The following NPBWR2 variants were observed in gnomAD, a reference collection of about 807,000 sequenced individuals.
NPBWR2 encodes neuropeptides B and W receptor 2.
For missense variants in NPBWR2, 390 were observed against 458.2 expected (o/e 0.85, Z 1.36); for synonymous variants, 207 against 223.5 (o/e 0.93, Z 0.66).
rs1979984249 is a variant in NPBWR2, at chr20:64,105,718, TGGGGGTGGG to T, written c.*103_*111del. 8 of 318,832 alleles carry T rather than the reference TGGGGGTGGG, an allele frequency of 2.5e-5. No individual in the cohort carries two copies. Among genetic ancestry groups the T allele is most frequent in the Middle Eastern group, 8.0e-4 (1 of 1,246 alleles). 19.8% of individuals were successfully genotyped at this position (318,832 alleles called of 1,614,324 possible). A position where few individuals can be genotyped will look rare whatever the true frequency, so the allele number is the denominator to read the frequency against. On this transcript the variant is annotated 3_prime_UTR_variant, in exon 2 of 2. Transcript: ENST00000684052. ...GTGGGGGTGATGGTGGGGGTGGTGG[TGGGGGTGGG>T]GGGGGGTGGGCCTGATGGGGGTGTG...
chr20:64,105,816 G>T lies in NPBWR2; in HGVS notation c.*14C>A. ...TGATGGGCATGATGATGGGGGTGAT[G>T]GTGCCCAGGCCCTTCAGCACCGCAA... is the stretch of plus-strand genomic sequence containing the variant. On this transcript the variant is annotated 3_prime_UTR_variant, in exon 2 of 2. Transcript: ENST00000684052. 4 of 1,573,140 alleles carry T rather than the reference G, an allele frequency of 2.5e-6. No individual in the cohort carries two copies. The highest frequency in any genetic ancestry group is 3.5e-5 in the Admixed American group (2 of 57,778).
Position 64,103,886 on chromosome 20 carries a change from C to T in NPBWR2, c.*1944G>A, listed in dbSNP as rs1393312357. ...GATAAGTGGATGGAGATGGCCGTGG[C>T]GTGTTTGGCTGGCTAGCACGGAGGA... On this transcript the variant is annotated 3_prime_UTR_variant, in exon 2 of 2. Transcript: ENST00000684052. 2.0e-5 allele frequency among the ~76,000 whole-genome samples: 3 copies of T among 152,218 alleles called. No individual in the cohort carries two copies. The highest frequency in any genetic ancestry group is 4.1e-4 in the South Asian group (2 of 4,824).
In NPBWR2 at chr20:64,104,806, G is replaced by A. The variant is rs947020004; in HGVS notation, c.*1024C>T. Reference sequence around the variant, plus strand: ...GGGAGCACAGGCCATGGTGAGGACTGTCGGCCACAGCAGGGGGGTACAGGG... The same window carrying A: ...GGGAGCACAGGCCATGGTGAGGACTATCGGCCACAGCAGGGGGGTACAGGG... On this transcript the variant is annotated 3_prime_UTR_variant, in exon 2 of 2. Transcript: ENST00000684052. Among the ~76,000 whole-genome samples, 1 of 138,630 alleles carries A rather than the reference G, an allele frequency of 7.2e-6. No homozygotes were observed. Among genetic ancestry groups the A allele is most frequent in the African/African-American group, 2.7e-5 (1 of 36,790 alleles). The allele number at this position is 138,630 out of a possible 152,430, so 90.9% of individuals were successfully genotyped here.
At position 64,105,746 on chromosome 20, in the gene NPBWR2, G is replaced by T. The variant is rs1979991841; in HGVS notation, c.*84C>A. ...GGGTGGGGGGGGGTGGGCCTGATGG[G>T]GGTGTGGGCATGATGATGATGGGCG... On this transcript the variant is annotated 3_prime_UTR_variant, in exon 2 of 2. Transcript: ENST00000684052. 5.7e-6 allele frequency: 6 copies of T among 1,056,226 alleles called. No homozygotes were observed. The highest frequency in any genetic ancestry group is 2.8e-5 in the Admixed American group (1 of 35,740). 65.4% of individuals were successfully genotyped at this position (1,056,226 alleles called of 1,614,324 possible).
At position 64,106,223 on chromosome 20, in the gene NPBWR2, C is replaced by T. The variant is rs750338169; in HGVS notation, c.609G>A (p.Trp203Ter). 6.2e-7 allele frequency: 1 copy of T among 1,612,748 alleles called. No homozygotes were observed. Among genetic ancestry groups the T allele is most frequent in the Non-Finnish European group, 8.5e-7 (1 of 1,179,962 alleles). Residue 203 changes from tryptophan (W) to a stop codon, truncating the protein, a stop_gained, in exon 2 of 2, where the codon TGG becomes TGA. Transcript: ENST00000684052. LOFTEE classifies it low-confidence loss of function (END_TRUNC). The surrounding 1 kb of genome is among the most constrained non-coding windows in gnomAD (Gnocchi z 9.5). ...QVPSCGLSFP[W>*]PEQVWFKASR... Reference sequence around the variant, plus strand: ...TGGCCTTGAACCAGACCTGCTCGGGCCACGGGAAGCTCAGCCCACAGCTTG... The same window carrying T: ...TGGCCTTGAACCAGACCTGCTCGGGTCACGGGAAGCTCAGCCCACAGCTTG...
Position 64,105,819 on chromosome 20 carries a change from G to GA in NPBWR2, c.*10_*11insT. On this transcript the variant is annotated 3_prime_UTR_variant, in exon 2 of 2. Transcript: ENST00000684052. Reference sequence around the variant, plus strand: ...TGGGCATGATGATGGGGGTGATGGTGCCCAGGCCCTTCAGCACCGCAATAT... The same window carrying GA: ...TGGGCATGATGATGGGGGTGATGGTGACCCAGGCCCTTCAGCACCGCAATAT... The GA allele has an allele frequency of 6.4e-7, 1 of 1,570,416 alleles. No individual in the cohort carries two copies. Among genetic ancestry groups the GA allele is most frequent in the Non-Finnish European group, 8.6e-7 (1 of 1,156,242 alleles).
chr20:64,105,777 A>G lies in NPBWR2; in HGVS notation c.*53T>C, dbSNP rs1979997395. The G allele has an allele frequency of 5.1e-6, 6 of 1,187,398 alleles. No individual in the cohort carries two copies. The highest frequency in any genetic ancestry group is 6.6e-6 in the Non-Finnish European group (6 of 907,224). 73.6% of individuals were successfully genotyped at this position (1,187,398 alleles called of 1,614,324 possible). A position where few individuals can be genotyped will look rare whatever the true frequency, so the allele number is the denominator to read the frequency against. On this transcript the variant is annotated 3_prime_UTR_variant, in exon 2 of 2. Coordinates refer to ENST00000684052, the MANE Select transcript of NPBWR2 (RefSeq NM_005286.4). ...GGGCATGATGATGATGGGCGTGATG[A>G]TGATGGGGGGTGATGATGGGCATGA...
In NPBWR2 at chr20:64,106,687, G is replaced by A. The variant is rs1245074516; in HGVS notation, c.145C>T (p.Pro49Ser). 6.2e-7 allele frequency: 1 copy of A among 1,612,758 alleles called. No individual in the cohort carries two copies. The highest frequency in any genetic ancestry group is 1.3e-5 in the African/African-American group (1 of 74,912). ...GCACAGATCCCGGAGTACACGGCGG[G>A]CAGGAGCACATAGAGGAACGGCAGT... ...EPLPFLYVLL[P>S]AVYSGICAVG... Residue 49 changes from proline to serine, a missense_variant, in exon 2 of 2, where the codon CCC becomes TCC. Transcript: ENST00000684052. This position sits in a 1 kb window ranked among gnomAD's most constrained non-coding sequence, Gnocchi z 9.5.
In NPBWR2 at chr20:64,105,003, T is replaced by C. The variant is rs1979915634; in HGVS notation, c.*827A>G. Among the ~76,000 whole-genome samples, 2 of 152,078 alleles carry C rather than the reference T, an allele frequency of 1.3e-5. No homozygotes were observed. Among genetic ancestry groups the C allele is most frequent in the African/African-American group, 4.8e-5 (2 of 41,390 alleles). On this transcript the variant is annotated 3_prime_UTR_variant, in exon 2 of 2. Coordinates refer to ENST00000684052, the MANE Select transcript of NPBWR2 (RefSeq NM_005286.4). ...CCATGGCACATGGGCACGGCGGGGCTGGGCCTCCTGCTGGAACTCCACTTG... is the reference window on the plus strand; with the variant it reads ...CCATGGCACATGGGCACGGCGGGGCCGGGCCTCCTGCTGGAACTCCACTTG...
In NPBWR2 at chr20:64,105,984, G is replaced by A; in HGVS notation, c.848C>T (p.Ala283Val). 6.2e-7 allele frequency: 1 copy of A among 1,612,538 alleles called. No homozygotes were observed. The highest frequency in any genetic ancestry group is 2.2e-5 in the East Asian group (1 of 44,876). ...WTPFHLASVV[A>V]LTTDLPQTPL... ...GGTCTGGGGCAGGTCCGTGGTCAGGGCCACGACAGAGGCCAGGTGGAAGGG... is the reference window on the plus strand; with the variant it reads ...GGTCTGGGGCAGGTCCGTGGTCAGGACCACGACAGAGGCCAGGTGGAAGGG... Residue 283 changes from alanine to valine, a missense_variant, in exon 2 of 2, where the codon GCC becomes GTC. Transcript: ENST00000684052.
Position 64,106,202 on chromosome 20 carries a change from C to T in NPBWR2, c.630G>A (p.Lys210=), listed in dbSNP as rs899917015. Residue 210 remains lysine, a synonymous_variant, in exon 2 of 2, where the codon AAG becomes AAA. Coordinates refer to ENST00000684052, the MANE Select transcript of NPBWR2 (RefSeq NM_005286.4). The surrounding 1 kb of genome is among the most constrained non-coding windows in gnomAD (Gnocchi z 9.5). ...SFPWPEQVWF[K]ASRVYTLVLG... is the part of the protein sequence containing the mutation. The stretch of plus-strand genomic sequence containing the variant: ...GGACCAACGTGTAGACACGGCTGGC[C>T]TTGAACCAGACCTGCTCGGGCCACG... 2.5e-6 allele frequency: 4 copies of T among 1,612,582 alleles called. No homozygotes were observed. Among genetic ancestry groups the T allele is most frequent in the Non-Finnish European group, 3.4e-6 (4 of 1,179,948 alleles).
rs1304154863 is a variant in NPBWR2 at position 64,105,609 on chromosome 20, G to A, written c.*221C>T. The stretch of plus-strand genomic sequence containing the variant: ...GGTGGGGGTGATGGTGGGCGTGATG[G>A]TGGGGGTGGGGGTGATGGGGGTGGG... On this transcript the variant is annotated 3_prime_UTR_variant, in exon 2 of 2. Transcript: ENST00000684052. 8.1e-4 allele frequency among the ~76,000 whole-genome samples: 2 copies of A among 2,470 alleles called. No homozygotes were observed. Among genetic ancestry groups the A allele is most frequent in the African/African-American group, 3.5e-3 (1 of 282 alleles). The allele number at this position is 2,470 out of a possible 152,430, so 1.6% of individuals were successfully genotyped here.
rs111903824 is a variant in NPBWR2, at chr20:64,105,797, G to A, written c.*33C>T. ...TGATGATGATGGGGGGTGATGATGG[G>A]CATGATGATGGGGGTGATGGTGCCC... is the stretch of plus-strand genomic sequence containing the variant. On this transcript the variant is annotated 3_prime_UTR_variant, in exon 2 of 2. Coordinates refer to ENST00000684052, the MANE Select transcript of NPBWR2 (RefSeq NM_005286.4). 175 of 1,138,608 alleles carry A rather than the reference G, an allele frequency of 1.5e-4. 3 individuals carry two copies. In the African/African-American group the frequency reaches 1.9e-3, roughly 12 times the overall value. The allele number at this position is 1,138,608 out of a possible 1,614,324, so 70.5% of individuals were successfully genotyped here.
At position 64,104,312 on chromosome 20, in the gene NPBWR2, A is replaced by T. The variant is rs1014526780; in HGVS notation, c.*1518T>A. Reference sequence around the variant, plus strand: ...GCTGGCTGATTACAAGCCCCTGGCCACACCCCGGGAGAGAGAGTTCCAGGT... The same window carrying T: ...GCTGGCTGATTACAAGCCCCTGGCCTCACCCCGGGAGAGAGAGTTCCAGGT... On this transcript the variant is annotated 3_prime_UTR_variant, in exon 2 of 2. Transcript: ENST00000684052. 1.3e-5 allele frequency among the ~76,000 whole-genome samples: 2 copies of T among 152,156 alleles called. No homozygotes were observed. Among genetic ancestry groups the T allele is most frequent in the African/African-American group, 4.8e-5 (2 of 41,422 alleles).
chr20:64,104,083 A>G lies in NPBWR2; in HGVS notation c.*1747T>C, dbSNP rs1246963221. On this transcript the variant is annotated 3_prime_UTR_variant, in exon 2 of 2. Coordinates refer to ENST00000684052, the MANE Select transcript of NPBWR2 (RefSeq NM_005286.4). ...GGGTCATGAGGACTGAAACCAACCCAGAACACTCACACCTCACTGCCAGGC... is the reference window on the plus strand; with the variant it reads ...GGGTCATGAGGACTGAAACCAACCCGGAACACTCACACCTCACTGCCAGGC... Among the ~76,000 whole-genome samples the G allele has an allele frequency of 1.3e-5, 2 of 152,222 alleles. No individual in the cohort carries two copies. The highest frequency in any genetic ancestry group is 1.9e-4 in the East Asian group (1 of 5,198).
chr20:64,107,029 A>G lies in NPBWR2; in HGVS notation c.-91-107T>C. The G allele has an allele frequency of 1.5e-6, 1 of 671,814 alleles. No individual in the cohort carries two copies. Among genetic ancestry groups the G allele is most frequent in the South Asian group, 2.0e-5 (1 of 50,440 alleles). 41.6% of individuals were successfully genotyped at this position (671,814 alleles called of 1,614,324 possible). ...GCGGCCACTTTGCCAGGTCAAGGAC[A>G]TGGGGCCAGAGGGAGCCTGGTGGGG... On this transcript the variant is annotated intron_variant, in intron 1 of 1. Transcript: ENST00000684052. This position sits in a 1 kb window ranked among gnomAD's most constrained non-coding sequence, Gnocchi z 6.3.
chr20:64,106,856 G>A lies in NPBWR2; in HGVS notation c.-25C>T. The A allele has an allele frequency of 6.3e-7, 1 of 1,595,372 alleles. No homozygotes were observed. The highest frequency in any genetic ancestry group is 8.6e-7 in the Non-Finnish European group (1 of 1,167,588). On this transcript the variant is annotated 5_prime_UTR_variant, in exon 2 of 2. Transcript: ENST00000684052. This position sits in a 1 kb window ranked among gnomAD's most constrained non-coding sequence, Gnocchi z 9.5. ...TTGTAGCTGGGACCGTTGACGATTT[G>A]CGCCCTGGGCAGGTGGGAGGTGCCT...
chr20:64,106,152 G>GGC lies in NPBWR2; in HGVS notation c.679_680insGC (p.Thr227SerfsTer26). 6.2e-7 allele frequency: 1 copy of GGC among 1,612,464 alleles called. No individual in the cohort carries two copies. The highest frequency in any genetic ancestry group is 8.5e-7 in the Non-Finnish European group (1 of 1,179,838). ...GAGGTCTGTGTAGAGCACACAGATG[G>GGC]TGCACACGGGCAGCACGAAGCCCAG... is the stretch of plus-strand genomic sequence containing the variant. On this transcript the variant is annotated frameshift_variant, in exon 2 of 2. Transcript: ENST00000684052. LOFTEE classifies it low-confidence loss of function (END_TRUNC). The surrounding 1 kb of genome is among the most constrained non-coding windows in gnomAD (Gnocchi z 9.5).
rs1980095325 is a variant in NPBWR2, at chr20:64,107,505, G to A, written c.-233C>T. On this transcript the variant is annotated 5_prime_UTR_variant, in exon 1 of 2. Transcript: ENST00000684052. This position sits in a 1 kb window ranked among gnomAD's most constrained non-coding sequence, Gnocchi z 6.3. ...TGAGGTTTCAGGAGTTTCAAGACCTGCCCTGCTGGCTGCCTCAGCCCCGGC... is the reference window on the plus strand; with the variant it reads ...TGAGGTTTCAGGAGTTTCAAGACCTACCCTGCTGGCTGCCTCAGCCCCGGC... Among the ~76,000 whole-genome samples, 1 of 152,226 alleles carries A rather than the reference G, an allele frequency of 6.6e-6. No homozygotes were observed. Among genetic ancestry groups the A allele is most frequent in the Non-Finnish European group, 1.5e-5 (1 of 68,034 alleles).
Sources: allele counts gnomAD v4.1 joint callset (sites outside exome capture counted in the v4.1 genomes callset), GRCh38; gene constraint gnomAD v4.1.1; non-coding constraint Gnocchi (gnomAD v3.1); transcripts MANE v1.5; gene names NCBI Gene and HGNC (gene_info 2026-07-23, HGNC 2026-07-21).